NKAIN3: variants seen among roughly 807,000 people sequenced by gnomAD.
The protein encoded by NKAIN3 is sodium/potassium-transporting ATPase subunit beta-1-interacting protein 3.
NKAIN3 carries 25 observed loss-of-function variants against 30.2 expected under a neutral mutation model. The ratio of observed to expected loss-of-function variants is 0.83; its 90% CI spans 0.60 to 1.16. The LOEUF is 1.16. Ranked by LOEUF, NKAIN3 falls within the 50% of genes most tolerant of loss-of-function variation. NKAIN3 has a pLI of 0.00. For synonymous variants in NKAIN3, 91 were observed against 89.6 expected (o/e 1.02, Z -0.09); for missense variants, 225 against 254.1 (o/e 0.89, Z 0.78).
intron 3 of NKAIN3, among the ~76,000 whole-genome samples, chr8:62,644,262 G>T (rs1011998767): frequency 3.3e-5 from 5 of 151,980 alleles, no homozygotes; most frequent in Non-Finnish European, 4.4e-5. Context: ...GTTCCCGTAG[G>T]TCTTTTTATT....
At chr8:62,610,112 G>A (rs1263785217) in intron 3 of NKAIN3, among the ~76,000 whole-genome samples, 2 of 152,022 alleles carry the variant, frequency 1.3e-5, no homozygotes, top group African/African-American at 2.4e-5. Flanking sequence ...TTGGGAGGCC[G>A]AGGCAGGTGG....
intron 1 of NKAIN3, among the ~76,000 whole-genome samples, chr8:62,277,512 G>C (rs1190262618): frequency 6.6e-6 from 1 of 152,106 alleles, no homozygotes; most frequent in African/African-American, 2.4e-5. Flanking sequence ...TCATGCGTAA[G>C]AAAGGTGAGT....
chr8:62,813,979 C>A (rs560528527), intron 4 of NKAIN3, among the ~76,000 whole-genome samples: 42 of 152,172 alleles, frequency 2.8e-4, no homozygotes, highest in East Asian at 5.8e-4. Flanking sequence ...CTGTCCAGGT[C>A]TGTAAGGTTT....
At chr8:62,284,904 A>G (rs1223629840) in intron 1 of NKAIN3, among the ~76,000 whole-genome samples, 4 of 152,128 alleles carry the variant, frequency 2.6e-5, no homozygotes, top group Non-Finnish European at 5.9e-5. Context: ...AGTGGTTCAG[A>G]CATGCACCTG....
intron 3 of NKAIN3, among the ~76,000 whole-genome samples, chr8:62,656,401 C>T (rs1259377393): frequency 1.3e-5 from 2 of 151,518 alleles, no homozygotes; most frequent in Non-Finnish European, 2.9e-5. Flanking sequence ...ATGTAACAAA[C>T]CTGCACGTTG....
intron 1 of NKAIN3, among the ~76,000 whole-genome samples, chr8:62,353,128 A>T (rs1265832423): frequency 6.6e-6 from 1 of 152,194 alleles, no homozygotes; most frequent in Non-Finnish European, 1.5e-5. Flanking sequence ...CCATCAGTGT[A>T]GAAGACTGTG....
At chr8:62,433,127 T>G (rs1054297404) in intron 1 of NKAIN3, among the ~76,000 whole-genome samples, 2 of 152,184 alleles carry the variant, frequency 1.3e-5, no homozygotes, top group Non-Finnish European at 2.9e-5. Context: ...TTTTGCCACT[T>G]TTTGATTCAA....
chr8:62,868,046 T>C (rs908868727), intron 4 of NKAIN3, among the ~76,000 whole-genome samples: 1 of 152,156 alleles, frequency 6.6e-6, no homozygotes, highest in Non-Finnish European at 1.5e-5. Context: ...CCCATGTCAT[T>C]TTGCAAAGAG....
At chr8:62,344,510 C>T (rs879573916) in intron 1 of NKAIN3, among the ~76,000 whole-genome samples, 11 of 151,928 alleles carry the variant, frequency 7.2e-5, no homozygotes, top group Non-Finnish European at 1.3e-4. Context: ...AATATTTTTA[C>T]GTAGGTATTC....
intron 5 of NKAIN3, among the ~76,000 whole-genome samples, chr8:62,938,105 C>T (rs1563636470): frequency 6.6e-6 from 1 of 152,050 alleles, no homozygotes. Context: ...ACCTAATGGT[C>T]TTTCTCTACC....
intron 1 of NKAIN3, among the ~76,000 whole-genome samples, chr8:62,479,454 T>A (rs973661894): frequency 6.6e-6 from 1 of 152,090 alleles, no homozygotes; most frequent in Non-Finnish European, 1.5e-5. Context: ...CAGATCTGAG[T>A]TCCAAAGGCC....
At chr8:62,490,801 C>T (rs1453976011) in intron 1 of NKAIN3, among the ~76,000 whole-genome samples, 1 of 150,968 alleles carries the variant, frequency 6.6e-6, no homozygotes, top group Admixed American at 6.6e-5. Flanking sequence ...TGAAATAAAA[C>T]AGACGTAGAA....
intron 1 of NKAIN3, among the ~76,000 whole-genome samples, chr8:62,557,082 C>G (rs1049786899): frequency 6.6e-6 from 1 of 151,990 alleles, no homozygotes; most frequent in African/African-American, 2.4e-5. Context: ...CCATCCTTTC[C>G]CTAAAGTCCA....
chr8:62,262,580 C>T (rs1812475709), intron 1 of NKAIN3, among the ~76,000 whole-genome samples: 1 of 152,034 alleles, frequency 6.6e-6, no homozygotes, highest in South Asian at 2.1e-4. Context: ...GTCTTGAATG[C>T]AGGGCCAATT....
At chr8:62,465,389 T>C (rs1806131955) in intron 1 of NKAIN3, among the ~76,000 whole-genome samples, 1 of 152,096 alleles carries the variant, frequency 6.6e-6, no homozygotes, top group Non-Finnish European at 1.5e-5. Flanking sequence ...AACTGCAGAA[T>C]AAACAAACTT....
intron 5 of NKAIN3, among the ~76,000 whole-genome samples, chr8:62,931,535 A>C (rs1822618980): frequency 6.6e-6 from 1 of 152,212 alleles, no homozygotes; most frequent in South Asian, 2.1e-4. Context: ...TTAGAAATAC[A>C]CTTCTCCAAT....
At chr8:62,396,769 T>C (rs1817779973) in intron 1 of NKAIN3, among the ~76,000 whole-genome samples, 1 of 152,204 alleles carries the variant, frequency 6.6e-6, no homozygotes, top group Admixed American at 6.5e-5. Flanking sequence ...TGTTAATCAC[T>C]ATTAGGAAAA....
chr8:62,325,193 C>G (rs1202377231), intron 1 of NKAIN3, among the ~76,000 whole-genome samples: 1 of 152,084 alleles, frequency 6.6e-6, no homozygotes, highest in Non-Finnish European at 1.5e-5. Context: ...TTTGCATCCT[C>G]ATAGCTTAAC....
rs1586273169 is a variant in NKAIN3 at position 62,855,272 on chromosome 8, T to C, written c.472-63181T>C. 10 of 482,086 alleles carry C rather than the reference T, an allele frequency of 2.1e-5. No homozygotes were observed. In the East Asian group the frequency reaches 3.9e-4, roughly 19 times the overall value. The allele number at this position is 482,086 out of a possible 1,614,324, so 29.9% of individuals were successfully genotyped here. ...ACAAGGCCTGCCAGCCTGGCCACAG[T>C]GTGGAAGGGCAGCTGGTCACACAGC... On this transcript the variant is annotated intron_variant, in intron 4 of 6. Transcript: ENST00000623646.
Sources: gnomAD v4.1 joint callset for allele counts (sites outside exome capture counted in the v4.1 genomes callset) on GRCh38, gnomAD v4.1.1 for gene constraint, MANE v1.5 for transcripts, NCBI Gene and HGNC (gene_info 2026-07-23, HGNC 2026-07-21) for gene names.